PALD1: variants seen among roughly 807,000 people sequenced by gnomAD.
PALD1 encodes the protein paladin.
PALD1 carries 57 observed loss-of-function variants against 96.0 expected under a neutral mutation model. The observed-to-expected ratio is 0.59, with a 90% CI of 0.48 to 0.74. The LOEUF (loss-of-function observed/expected upper bound fraction) is 0.74. Among genes scored for constraint, PALD1 ranks in the 30% least tolerant of loss-of-function variants. PALD1 has a pLI of 0.00. For missense variants in PALD1, 1,063 were observed against 1,143.7 expected, an observed-to-expected ratio of 0.93 and a Z score of 1.02; for synonymous variants, 464 against 473.6, an observed-to-expected ratio of 0.98 and a Z score of 0.26.
rs781513750 is a variant in PALD1, at chr10:70,557,930, C to CTTTTTTTTTTTTT, written c.2263-6426_2263-6414dup. 3.4e-4 allele frequency among the ~76,000 whole-genome samples: 32 copies of CTTTTTTTTTTTTT among 92,878 alleles called. 4 individuals carry two copies. Among genetic ancestry groups the CTTTTTTTTTTTTT allele is most frequent in the African/African-American group, 8.8e-4 (22 of 25,076 alleles). The allele number at this position is 92,878 out of a possible 152,430, so 60.9% of individuals were successfully genotyped here. ...CTGAACCTGGCCTTGTTGGCTCTTC[C>CTTTTTTTTTTTTT]TTTTTTTTTTTTTTTTTTTTAGAGA... On this transcript the variant is annotated intron_variant, in intron 18 of 19. Coordinates refer to ENST00000263563, the MANE Select transcript of PALD1 (RefSeq NM_014431.3).
the PALD1 span, among the ~76,000 whole-genome samples, chr10:70,469,530 A>G: frequency 6.6e-6 from 1 of 152,018 alleles, no homozygotes; most frequent in South Asian, 2.1e-4. Flanking sequence ...TTTGCTGTAG[A>G]GGTGAGCGGG....
At chr10:70,551,253 C>T (rs1847471617) in intron 18 of PALD1, among the ~76,000 whole-genome samples, 1 of 152,218 alleles carries the variant, frequency 6.6e-6, no homozygotes, top group African/African-American at 2.4e-5. Flanking sequence ...AGCTGGGTCT[C>T]ACCTGTGGTA....
intron 1 of PALD1, among the ~76,000 whole-genome samples, chr10:70,512,842 C>T (rs1481204409): frequency 6.6e-6 from 1 of 152,248 alleles, no homozygotes; most frequent in African/African-American, 2.4e-5. Flanking sequence ...AAGCCCACCC[C>T]CTGCTCACCT....
chr10:70,481,872 T>C (rs1845937802), intron 1 of PALD1, among the ~76,000 whole-genome samples: 1 of 152,266 alleles, frequency 6.6e-6, no homozygotes, highest in African/African-American at 2.4e-5. Context: ...ATTCTAGATA[T>C]GCTTTGATAC....
At chr10:70,553,058 T>C (rs1484616539) in intron 18 of PALD1, among the ~76,000 whole-genome samples, 5 of 152,196 alleles carry the variant, frequency 3.3e-5, no homozygotes, top group South Asian at 2.1e-4. Context: ...GAATGGTTAC[T>C]GGGGGTGCCG....
At chr10:70,507,103 T>TA (rs1356323705) in intron 1 of PALD1, among the ~76,000 whole-genome samples, 2 of 151,964 alleles carry the variant, frequency 1.3e-5, no homozygotes, top group Non-Finnish European at 2.9e-5. Context: ...ATCTTTCTAT[T>TA]AAAAAAAATT....
At position 70,529,139 on chromosome 10, in the gene PALD1, C is replaced by T. The variant is rs935261997; in HGVS notation, c.186-90C>T. The T allele has an allele frequency of 1.1e-5, 7 of 644,934 alleles. 1 individual carries two copies. Among genetic ancestry groups the T allele is most frequent in the East Asian group, 2.8e-5 (1 of 35,724 alleles). The allele number at this position is 644,934 out of a possible 1,614,324, so 40.0% of individuals were successfully genotyped here. A position where few individuals can be genotyped will look rare whatever the true frequency, so the allele number is the denominator to read the frequency against. Reference sequence around the variant, plus strand: ...CACAAATCGTAGCCACAGGGGTTTTCCTGCGGTGGGCTCTGTGAGGGTGGA... The same window carrying T: ...CACAAATCGTAGCCACAGGGGTTTTTCTGCGGTGGGCTCTGTGAGGGTGGA... On this transcript the variant is annotated intron_variant, in intron 2 of 19. Coordinates refer to ENST00000263563, the MANE Select transcript of PALD1 (RefSeq NM_014431.3).
chr10:70,568,381 G>A lies in PALD1; in HGVS notation c.*1648G>A, dbSNP rs1410466406. ...TGCCTACCTACCTCACAGGGGTGTT[G>A]TGAGGATTCATTTGTGATTTTTTTT... On this transcript the variant is annotated 3_prime_UTR_variant, in exon 20 of 20. Coordinates refer to ENST00000263563, the MANE Select transcript of PALD1 (RefSeq NM_014431.3). The A allele has an allele frequency of 7.1e-6, 1 of 140,608 alleles. No homozygotes were observed. Among genetic ancestry groups the A allele is most frequent in the East Asian group, 2.1e-4 (1 of 4,684 alleles). 8.7% of individuals were successfully genotyped at this position (140,608 alleles called of 1,614,324 possible). A position where few individuals can be genotyped will look rare whatever the true frequency, so the allele number is the denominator to read the frequency against.
intron 1 of PALD1, among the ~76,000 whole-genome samples, chr10:70,509,541 C>A (rs182136190): frequency 1.3e-3 from 198 of 152,314 alleles, no homozygotes; most frequent in African/African-American, 4.5e-3. Flanking sequence ...TTAGGAAACA[C>A]CAGGCCACCG....
intron 1 of PALD1, among the ~76,000 whole-genome samples, chr10:70,523,784 C>T (rs1339286337): frequency 6.6e-6 from 1 of 151,842 alleles, no homozygotes; most frequent in African/African-American, 2.4e-5. Context: ...AGGATCTTTC[C>T]AGACTGGAGA....
intron 5 of PALD1, among the ~76,000 whole-genome samples, chr10:70,531,982 A>T (rs553750379): frequency 4.5e-4 from 47 of 105,080 alleles, no homozygotes; most frequent in Admixed American, 3.7e-3. Context: ...AACTCTTTCT[A>T]AAAAAAAAAA....
Position 70,539,024 on chromosome 10 carries a change from G to A in PALD1, c.1569+16G>A, listed in dbSNP as rs1316388428. 1 of 1,613,586 alleles carries A rather than the reference G, an allele frequency of 6.2e-7. No individual in the cohort carries two copies. Among genetic ancestry groups the A allele is most frequent in the Middle Eastern group, 1.7e-4 (1 of 6,058 alleles). ...CAGCGCCAAGGTGACCGGCCCTCAG[G>A]GCCTGGGTCCCCCAGTGGGTTTGGG... On this transcript the variant is annotated intron_variant, in intron 13 of 19. Transcript: ENST00000263563. This position sits in a 1 kb window ranked among gnomAD's most constrained non-coding sequence, Gnocchi z 4.5.
intron 18 of PALD1, among the ~76,000 whole-genome samples, chr10:70,548,374 G>A (rs1344794817): frequency 1.3e-5 from 2 of 152,146 alleles, no homozygotes; most frequent in Non-Finnish European, 2.9e-5. Flanking sequence ...GAAAGAATGT[G>A]CCCTCAAGCC....
intron 1 of PALD1, among the ~76,000 whole-genome samples, chr10:70,508,838 G>GTGTGTGT (rs1846454310): frequency 2.0e-5 from 1 of 50,578 alleles, no homozygotes; most frequent in Admixed American, 1.8e-4. Flanking sequence ...TGGGAGCTGC[G>GTGTGTGT]GAACCTGTGT....
intron 18 of PALD1, among the ~76,000 whole-genome samples, chr10:70,550,093 A>G (rs2132420517): frequency 6.6e-6 from 1 of 152,298 alleles, no homozygotes; most frequent in Non-Finnish European, 1.5e-5. Context: ...GGCACTGAAG[A>G]GCAGAGGGAC....
At chr10:70,520,685 C>CTTTTTTTT (rs10545684) in intron 1 of PALD1, among the ~76,000 whole-genome samples, 47 of 87,670 alleles carry the variant, frequency 5.4e-4, no homozygotes, top group East Asian at 1.3e-3. Flanking sequence ...TTCTTTCTTT[C>CTTTTTTTT]TTTTTTTTTT....
rs141733430 is a variant in PALD1 at position 70,543,446 on chromosome 10, A to G, written c.2121+1912A>G. ...CCCTTGGTGCTATATCCAAGAAATC[A>G]TTGCCAACTCCAATGTCATGAAGCT... On this transcript the variant is annotated intron_variant, in intron 17 of 19. Transcript: ENST00000263563. Among the ~76,000 whole-genome samples, 208 of 152,230 alleles carry G rather than the reference A, an allele frequency of 1.4e-3. 4 individuals are homozygous for G. In the South Asian group the frequency reaches 0.017, roughly 12 times the overall value.
In PALD1 at chr10:70,512,596, G is replaced by T. The variant is rs553855350; in HGVS notation, c.-29-13327G>T. On this transcript the variant is annotated intron_variant, in intron 1 of 19. Transcript: ENST00000263563. ...GTGTCTGGGCTGCTGAGGCCCGAGGGCAAGGGCCAAGCTCATTCATAGGAC... is the reference window on the plus strand; with the variant it reads ...GTGTCTGGGCTGCTGAGGCCCGAGGTCAAGGGCCAAGCTCATTCATAGGAC... Among the ~76,000 whole-genome samples, 17 of 152,392 alleles carry T rather than the reference G, an allele frequency of 1.1e-4. No homozygotes were observed. The South Asian group carries it at 3.5e-3, about 32-fold the overall frequency.
At chr10:70,476,052 G>A (rs981680107), upstream of PALD1, among the ~76,000 whole-genome samples, 2 of 152,202 alleles carry the variant, frequency 1.3e-5, no homozygotes, top group African/African-American at 2.4e-5. Flanking sequence ...TGTCTTGGAC[G>A]TTTGTGTGTG....
Sources: allele counts gnomAD v4.1 joint callset (sites outside exome capture counted in the v4.1 genomes callset), GRCh38; gene constraint gnomAD v4.1.1; non-coding constraint Gnocchi (gnomAD v3.1); transcripts MANE v1.5; gene names NCBI Gene and HGNC (gene_info 2026-07-23, HGNC 2026-07-21).